Variants in TTC21B observed in about 807,000 individuals in gnomAD.
The protein encoded by TTC21B is tetratricopeptide repeat domain 21B, also known as tetratricopeptide repeat protein 21B.
A neutral mutation model predicts 175.1 loss-of-function variants in TTC21B; 127 were observed. The ratio of observed to expected loss-of-function variants is 0.73; its 90% CI spans 0.63 to 0.84. TTC21B has a LOEUF of 0.84. TTC21B is among the 40% of genes least tolerant of loss of function. The pLI, the probability that TTC21B is intolerant of heterozygous loss-of-function variation, is 0.00. For synonymous variants in TTC21B, 524 were observed against 524.5 expected (o/e 1.00, Z 0.01); for missense variants, 1,561 against 1,558.3 (o/e 1.00, Z -0.03).
chr2:165,915,303 T>C lies in TTC21B; in HGVS notation c.2036A>G (p.Asn679Ser), dbSNP rs759869671. 3 of 1,614,146 alleles carry C rather than the reference T, an allele frequency of 1.9e-6. No homozygotes were observed. The highest frequency in any genetic ancestry group is 2.5e-6 in the Non-Finnish European group (3 of 1,179,994). Residue 679 changes from asparagine to serine, a missense_variant, in exon 15 of 29, where the codon AAT (asparagine) becomes AGT (serine). Physicochemically the swap from Asn to Ser is conservative, Grantham distance 46 (BLOSUM62 1). Transcript: ENST00000243344. The stretch of plus-strand genomic sequence containing the variant: ...AAAATAAGGCTGTTCGGCTGTAACA[T>C]TCTGAAGGATGCTTAAAGCCCGTTC... ...DIERALSILQ[N>S]VTAEQPYFIE...
At position 165,888,458 on chromosome 2, in the gene TTC21B, G is replaced by C. The variant is rs1685082076; in HGVS notation, c.3280C>G (p.Gln1094Glu). 3 of 1,613,072 alleles carry C rather than the reference G, an allele frequency of 1.9e-6. No homozygotes were observed. The highest frequency in any genetic ancestry group is 2.2e-5 in the South Asian group (2 of 91,054). ...CTTACTGCCAGTTGCACAGATTCTT[G>C]CTTCTCAGTTGAATTACTGTATATA... is the stretch of plus-strand genomic sequence containing the variant. Reference protein sequence around the residue: ...DGDLGNSTEKQESVQLAVRTA... With the variant: ...DGDLGNSTEKEESVQLAVRTA... The change falls in exon 25 of 29, where the codon CAA (glutamine) becomes GAA (glutamate). Residue 1094 changes from glutamine to glutamate, a missense_variant. Gln to Glu is a conservative substitution (Grantham distance 29). Coordinates refer to ENST00000243344, the MANE Select transcript of TTC21B (RefSeq NM_024753.5).
rs1685149459 is a variant in TTC21B at position 165,890,471 on chromosome 2, T to C, written c.3263+8A>G. 1 of 1,612,950 alleles carries C rather than the reference T, an allele frequency of 6.2e-7. No individual in the cohort carries two copies. ...TTTTAAAAAAGGATAATATGTCAAATAACTCACCCCAGGTCTCCATCCAGG... is the reference window on the plus strand; with the variant it reads ...TTTTAAAAAAGGATAATATGTCAAACAACTCACCCCAGGTCTCCATCCAGG... On this transcript the variant is annotated splice_region_variant and intron_variant, in intron 24 of 28. Coordinates refer to ENST00000243344, the MANE Select transcript of TTC21B (RefSeq NM_024753.5).
In TTC21B at chr2:165,904,458, C is replaced by T. The variant is rs78719378; in HGVS notation, c.2569-2548G>A. ...ATGCACGCACATGCATGCACACACA[C>T]GTGCACACACACATACACACACCCC... On this transcript the variant is annotated intron_variant, in intron 19 of 28. Transcript: ENST00000243344. Among the ~76,000 whole-genome samples the T allele has an allele frequency of 6.1e-3, 936 of 152,302 alleles. 13 individuals carry two copies. The highest frequency in any genetic ancestry group is 0.022 in the African/African-American group (895 of 41,566).
At chr2:165,906,420 A>G (rs1685735230) in intron 19 of TTC21B, among the ~76,000 whole-genome samples, 1 of 152,030 alleles carries the variant, frequency 6.6e-6, no homozygotes, top group African/African-American at 2.4e-5. Flanking sequence ...TAAAGAAGAA[A>G]AAATTACTAA....
Position 165,928,664 on chromosome 2 carries a change from A to G in TTC21B, c.1386+471T>C, listed in dbSNP as rs181017687. 2.6e-3 allele frequency: 447 copies of G among 170,760 alleles called. 3 individuals carry two copies. Among genetic ancestry groups the G allele is most frequent in the South Asian group, 0.013 (96 of 7,284 alleles). 10.6% of individuals were successfully genotyped at this position (170,760 alleles called of 1,614,324 possible). A position where few individuals can be genotyped will look rare whatever the true frequency, so the allele number is the denominator to read the frequency against. Reference sequence around the variant, plus strand: ...TGCTCTAAGCAACTGGACTTGCCCTATGTCAATCTAGGGAGCAGAAGGAGG... The same window carrying G: ...TGCTCTAAGCAACTGGACTTGCCCTGTGTCAATCTAGGGAGCAGAAGGAGG... On this transcript the variant is annotated intron_variant, in intron 11 of 28. Transcript: ENST00000243344.
At position 165,929,130 on chromosome 2, in the gene TTC21B, C is replaced by T; in HGVS notation, c.1386+5G>A. 4.3e-6 allele frequency: 7 copies of T among 1,611,978 alleles called. No individual in the cohort carries two copies. The highest frequency in any genetic ancestry group is 5.9e-6 in the Non-Finnish European group (7 of 1,178,560). On this transcript the variant is annotated splice_donor_5th_base_variant and intron_variant, in intron 11 of 28. Coordinates refer to ENST00000243344, the MANE Select transcript of TTC21B (RefSeq NM_024753.5). Reference sequence around the variant, plus strand: ...TCCTTGAAAGTAAGTCCCATAATTACTTACCTGCATTGGACAGAAGCTCAG... The same window carrying T: ...TCCTTGAAAGTAAGTCCCATAATTATTTACCTGCATTGGACAGAAGCTCAG...
In TTC21B at chr2:165,912,606, C is replaced by T. The variant is rs150783918; in HGVS notation, c.2230G>A (p.Ala744Thr). The change falls in exon 17 of 29, where the codon GCA (alanine) becomes ACA (threonine). Residue 744 changes from alanine to threonine, a missense_variant. Physicochemically the swap from Ala to Thr is moderately conservative, Grantham distance 58. Coordinates refer to ENST00000243344, the MANE Select transcript of TTC21B (RefSeq NM_024753.5). ...NILEPEEAIV[A>T]YEQALNQNPK... Reference sequence around the variant, plus strand: ...TTCTGATTTAATGCTTGCTCATATGCTACTATGGCTTCTTCAGGCTAATAT... The same window carrying T: ...TTCTGATTTAATGCTTGCTCATATGTTACTATGGCTTCTTCAGGCTAATAT... 2 of 1,613,964 alleles carry T rather than the reference C, an allele frequency of 1.2e-6. No individual in the cohort carries two copies. Among genetic ancestry groups the T allele is most frequent in the South Asian group, 2.2e-5 (2 of 91,082 alleles).
chr2:165,913,318 G>T (rs948118873), intron 16 of TTC21B, among the ~76,000 whole-genome samples: 1 of 152,026 alleles, frequency 6.6e-6, no homozygotes, highest in Non-Finnish European at 1.5e-5. Flanking sequence ...GAACCACCGT[G>T]CCTGGCCTCA....
At chr2:165,952,504 G>A (rs1454027468) in intron 1 of TTC21B, among the ~76,000 whole-genome samples, 1 of 152,200 alleles carries the variant, frequency 6.6e-6, no homozygotes, top group Non-Finnish European at 1.5e-5. Context: ...GGTTGGAGAC[G>A]AAGGTGGGGT....
Position 165,890,831 on chromosome 2 carries a change from G to A in TTC21B, c.3101+7C>T. Reference sequence around the variant, plus strand: ...ATCATGTAGCATTTATTTGTAAATAGATTTACCAAAGATACAGTCCTTTAC... The same window carrying A: ...ATCATGTAGCATTTATTTGTAAATAAATTTACCAAAGATACAGTCCTTTAC... On this transcript the variant is annotated splice_region_variant and intron_variant, in intron 23 of 28. Coordinates refer to ENST00000243344, the MANE Select transcript of TTC21B (RefSeq NM_024753.5). 6.2e-7 allele frequency: 1 copy of A among 1,611,820 alleles called. No homozygotes were observed. The highest frequency in any genetic ancestry group is 8.5e-7 in the Non-Finnish European group (1 of 1,178,834).
At chr2:165,939,649 A>G (rs1687292137) in intron 6 of TTC21B, among the ~76,000 whole-genome samples, 1 of 152,084 alleles carries the variant, frequency 6.6e-6, no homozygotes, top group Non-Finnish European at 1.5e-5. Context: ...TATAGCCTAG[A>G]CCTCTCACAA....
chr2:165,920,822 G>C (rs1686376019), intron 12 of TTC21B, among the ~76,000 whole-genome samples: 1 of 79,232 alleles, frequency 1.3e-5, no homozygotes, highest in Non-Finnish European at 3.0e-5. Flanking sequence ...AAAATGAGAA[G>C]TGGGTCATTA....
At chr2:165,953,102 G>A (rs1298377676) in intron 1 of TTC21B, among the ~76,000 whole-genome samples, 1 of 152,134 alleles carries the variant, frequency 6.6e-6, no homozygotes, top group Non-Finnish European at 1.5e-5. Context: ...GAATAGAGAA[G>A]ACCAACATCC....
At chr2:165,898,104 A>C (rs1685431455) in intron 22 of TTC21B, among the ~76,000 whole-genome samples, 1 of 152,170 alleles carries the variant, frequency 6.6e-6, no homozygotes, top group African/African-American at 2.4e-5. Flanking sequence ...GATGAGAGTT[A>C]AGAGTTGATT....
intron 22 of TTC21B, among the ~76,000 whole-genome samples, chr2:165,898,440 C>A (rs1251598216): frequency 6.6e-6 from 1 of 152,126 alleles, no homozygotes; most frequent in African/African-American, 2.4e-5. Context: ...TAGTTCGAAT[C>A]AATGAATTCA....
chr2:165,893,820 G>C (rs907155412), intron 22 of TTC21B, among the ~76,000 whole-genome samples: 1 of 152,010 alleles, frequency 6.6e-6, no homozygotes, highest in Admixed American at 6.6e-5. Flanking sequence ...GTAGCAGAAG[G>C]CATGCGCCAA....
At position 165,931,776 on chromosome 2, in the gene TTC21B, T is replaced by A. The variant is rs185247361; in HGVS notation, c.876A>T (p.Thr292=). The A allele has an allele frequency of 6.2e-7, 1 of 1,613,278 alleles. No homozygotes were observed. The highest frequency in any genetic ancestry group is 1.7e-5 in the Admixed American group (1 of 59,948). The change falls in exon 8 of 29, where the codon ACA becomes ACT. Residue 292 remains threonine, a synonymous_variant. Coordinates refer to ENST00000243344, the MANE Select transcript of TTC21B (RefSeq NM_024753.5). Reference sequence around the variant, plus strand: ...CTCTCACAGTTCTGCTGAAGGCGAGTGTAATGTTATAGAAAAGTTGAGCAT... The same window carrying A: ...CTCTCACAGTTCTGCTGAAGGCGAGAGTAATGTTATAGAAAAGTTGAGCAT... ...PQNAQLFYNI[T]LAFSRTCGRS...
chr2:165,877,065 T>A (rs1684687247), intron 27 of TTC21B, among the ~76,000 whole-genome samples: 1 of 152,204 alleles, frequency 6.6e-6, no homozygotes, highest in South Asian at 2.1e-4. Context: ...TTAATGGATG[T>A]TGTTCTCTTG....
intron 11 of TTC21B, among the ~76,000 whole-genome samples, chr2:165,925,093 CAATTA>C (rs1422516430): frequency 6.6e-6 from 1 of 152,154 alleles, no homozygotes; most frequent in Non-Finnish European, 1.5e-5. Context: ...TTGCTCAATT[CAATTA>C]CTTTCATTAT....
Sources: gnomAD v4.1 joint callset for allele counts (sites outside exome capture counted in the v4.1 genomes callset) on GRCh38, gnomAD v4.1.1 for gene constraint, MANE v1.5 for transcripts, NCBI Gene and HGNC (gene_info 2026-07-23, HGNC 2026-07-21) for gene names.